The following IYD variants were observed in gnomAD, a reference collection of about 807,000 sequenced individuals.
IYD encodes iodotyrosine deiodinase, also known as iodotyrosine deiodinase 1.
Under a neutral mutation model 28.4 loss-of-function variants are expected in IYD, and 25 were observed. The observed-to-expected ratio is 0.88, with a 90% CI of 0.64 to 1.23. The LOEUF (loss-of-function observed/expected upper bound fraction) is 1.23, where lower values mean the gene tolerates loss of function less well. IYD is among the 50% of genes most tolerant of loss of function. IYD has a pLI of 0.00. For synonymous variants in IYD, 140 were observed against 130.8 expected (o/e 1.07, Z -0.48); for missense variants, 352 against 357.9 (o/e 0.98, Z 0.13).
intron 1 of IYD, among the ~76,000 whole-genome samples, chr6:150,379,991 C>T (rs562584065): frequency 6.6e-6 from 1 of 152,290 alleles, no homozygotes; most frequent in African/African-American, 2.4e-5. Context: ...TCCTATTAAT[C>T]TGTCTTTTGT....
At chr6:150,395,279 C>T (rs1778268643) in intron 4 of IYD, 1 of 709,752 alleles carries the variant, frequency 1.4e-6, no homozygotes, top group Non-Finnish European at 2.3e-6. Flanking sequence ...AGCAAGTAAC[C>T]ATACTTTTGA....
chr6:150,387,775 G>T (rs577951150), intron 1 of IYD, among the ~76,000 whole-genome samples: 41 of 151,864 alleles, frequency 2.7e-4, no homozygotes, highest in Non-Finnish European at 7.4e-5. Flanking sequence ...AATTCCAGAA[G>T]TTCTCTATTT....
chr6:150,379,206 C>T (rs908666846), intron 1 of IYD, among the ~76,000 whole-genome samples: 1 of 152,146 alleles, frequency 6.6e-6, no homozygotes, highest in Non-Finnish European at 1.5e-5. Context: ...TCCTCCCTCT[C>T]TCTCTCAGCC....
intron 1 of IYD, among the ~76,000 whole-genome samples, chr6:150,383,288 G>A (rs75299808): frequency 4.0e-4 from 61 of 152,224 alleles, no homozygotes; most frequent in Non-Finnish European, 8.1e-4. Context: ...GTAGGGGGCT[G>A]TCAAGTCTCC....
intron 4 of IYD, among the ~76,000 whole-genome samples, chr6:150,395,004 G>A (rs959891051): frequency 8.5e-5 from 13 of 152,120 alleles, no homozygotes; most frequent in African/African-American, 1.4e-4. Context: ...TGCATTTTTT[G>A]TATAGATGGA....
At chr6:150,382,874 A>G (rs620710) in intron 1 of IYD, among the ~76,000 whole-genome samples, 86,748 of 152,004 alleles carry the variant, frequency 0.57, 25,152 homozygotes, top group African/African-American at 0.65. Context: ...TGGACATAGT[A>G]AGCATAGTTG....
intron 2 of IYD, among the ~76,000 whole-genome samples, chr6:150,390,329 T>A (rs1248891539): frequency 6.6e-6 from 1 of 152,224 alleles, no homozygotes; most frequent in Non-Finnish European, 1.5e-5. Context: ...GTTACTAAAT[T>A]TAGCCTTTAT....
intron 1 of IYD, among the ~76,000 whole-genome samples, chr6:150,379,916 G>A (rs968482227): frequency 2.0e-5 from 3 of 152,188 alleles, no homozygotes; most frequent in African/African-American, 7.2e-5. Context: ...TTGGGTTATT[G>A]AGTGATCATT....
chr6:150,391,996 A>G (rs1319510097), intron 2 of IYD, among the ~76,000 whole-genome samples: 1 of 152,056 alleles, frequency 6.6e-6, no homozygotes, highest in Non-Finnish European at 1.5e-5. Context: ...GGCATAGGCC[A>G]CTGCCCCTGG....
rs1273896105 is a variant in IYD, at chr6:150,397,267, G to A, written c.688-788G>A. On this transcript the variant is annotated intron_variant, in intron 4 of 4. Coordinates refer to ENST00000344419, the MANE Select transcript of IYD (RefSeq NM_203395.3). Reference sequence around the variant, plus strand: ...AGGCAGATCACTGGAGTTCAGGAAAGAATATTTAGCAGGAAAATTGGCCAG... The same window carrying A: ...AGGCAGATCACTGGAGTTCAGGAAAAAATATTTAGCAGGAAAATTGGCCAG... 2.0e-5 allele frequency among the ~76,000 whole-genome samples: 3 copies of A among 151,954 alleles called. No homozygotes were observed. The East Asian group carries it at 5.8e-4, about 29-fold the overall frequency.
In IYD at chr6:150,389,445, A is replaced by T; in HGVS notation, c.272A>T (p.Gln91Leu). Reference protein sequence around the residue: ...YPEKEMVKRSQEFYELLNKRR... With the variant: ...YPEKEMVKRSLEFYELLNKRR... ...GAGAAGGAAATGGTTAAGAGGTCTC[A>T]GGAATTTTATGAACTTCTCAATAAG... Residue 91 changes from glutamine to leucine, a missense_variant, in exon 2 of 5, where the codon CAG becomes CTG. Transcript: ENST00000344419. 1 of 1,613,878 alleles carries T rather than the reference A, an allele frequency of 6.2e-7. No homozygotes were observed. The highest frequency in any genetic ancestry group is 8.5e-7 in the Non-Finnish European group (1 of 1,179,772).
At chr6:150,396,603 G>A (rs1011779537) in intron 4 of IYD, 16 of 577,880 alleles carry the variant, frequency 2.8e-5, no homozygotes, top group African/African-American at 3.9e-5. Context: ...GGCCAGGTGC[G>A]GTGGCTCACG....
In IYD at chr6:150,399,082, C is replaced by T. The variant is rs562598290; in HGVS notation, c.*845C>T. On this transcript the variant is annotated 3_prime_UTR_variant, in exon 5 of 5. Coordinates refer to ENST00000344419, the MANE Select transcript of IYD (RefSeq NM_203395.3). ...CAAAGTTACTAAAATGTCACCTTCACAGAACAGGACAGGGTACCCTTGGGT... is the reference window on the plus strand; with the variant it reads ...CAAAGTTACTAAAATGTCACCTTCATAGAACAGGACAGGGTACCCTTGGGT... 109 of 152,450 alleles carry T rather than the reference C, an allele frequency of 7.1e-4. No homozygotes were observed. The highest frequency in any genetic ancestry group is 1.2e-3 in the Non-Finnish European group (81 of 68,144). 9.4% of individuals were successfully genotyped at this position (152,450 alleles called of 1,614,324 possible). A position where few individuals can be genotyped will look rare whatever the true frequency, so the allele number is the denominator to read the frequency against.
intron 1 of IYD, among the ~76,000 whole-genome samples, chr6:150,378,355 G>C: frequency 6.6e-6 from 1 of 150,614 alleles, no homozygotes; most frequent in Non-Finnish European, 1.5e-5. Context: ...ACAGTCCCCA[G>C]AGTGTGATGT....
At chr6:150,379,368 T>C (rs59697656) in intron 1 of IYD, among the ~76,000 whole-genome samples, 8,942 of 152,294 alleles carry the variant, frequency 0.059, 336 homozygotes, top group Admixed American at 0.11. Flanking sequence ...TGTATGGATC[T>C]GCGTTTTTCA....
In IYD at chr6:150,404,527, T is replaced by G. The variant is rs1206650743; in HGVS notation, c.*6290T>G. On this transcript the variant is annotated 3_prime_UTR_variant, in exon 5 of 5. Transcript: ENST00000344419. ...GTCTTAATTGGTTATAATCTTGTCA[T>G]ATCAATGATTTGAAGTGCTAAAATA... The G allele has an allele frequency of 6.6e-6, 1 of 152,220 alleles. No individual in the cohort carries two copies. Among genetic ancestry groups the G allele is most frequent in the Admixed American group, 6.5e-5 (1 of 15,282 alleles). The allele number at this position is 152,220 out of a possible 1,614,324, so 9.4% of individuals were successfully genotyped here.
chr6:150,393,019 C>T (rs560757280), intron 3 of IYD, among the ~76,000 whole-genome samples: 67 of 152,122 alleles, frequency 4.4e-4, no homozygotes, highest in African/African-American at 1.6e-3. Context: ...AAGCACAGTC[C>T]GCGTGCTCTG....
At chr6:150,371,521 G>C (rs181483771) in intron 1 of IYD, among the ~76,000 whole-genome samples, 1 of 152,198 alleles carries the variant, frequency 6.6e-6, no homozygotes, top group African/African-American at 2.4e-5. Flanking sequence ...AGGAGAGCTC[G>C]GGCAGGCTGT....
intron 1 of IYD, among the ~76,000 whole-genome samples, chr6:150,379,731 C>G (rs948597292): frequency 9.2e-5 from 14 of 152,180 alleles, no homozygotes; most frequent in African/African-American, 3.4e-4. Flanking sequence ...AGAGCCCAGG[C>G]AAACTTTGTC....
Sources: gnomAD v4.1 joint callset for allele counts (sites outside exome capture counted in the v4.1 genomes callset) on GRCh38, gnomAD v4.1.1 for gene constraint, MANE v1.5 for transcripts, NCBI Gene and HGNC (gene_info 2026-07-23, HGNC 2026-07-21) for gene names.